Variants in CAMKK2 observed in about 807,000 individuals in gnomAD.
CAMKK2 encodes the protein calcium/calmodulin-dependent protein kinase kinase 2.
CAMKK2 carries 30 observed loss-of-function variants against 67.2 expected under a neutral mutation model. The ratio of observed to expected loss-of-function variants is 0.45; its 90% CI spans 0.33 to 0.61. CAMKK2 has a LOEUF of 0.61. Among genes scored for constraint, CAMKK2 ranks in the 20% least tolerant of loss-of-function variants. The pLI is 0.02. For synonymous variants in CAMKK2, 322 were observed against 326.2 expected (o/e 0.99, Z 0.14); for missense variants, 643 against 802.0 (o/e 0.80, Z 2.39).
intron 7 of CAMKK2, among the ~76,000 whole-genome samples, chr12:121,256,798 ATTCATC>A (rs200740722): frequency 1.3e-5 from 2 of 152,216 alleles, no homozygotes; most frequent in East Asian, 3.9e-4. Context: ...TTCTTTGTCC[ATTCATC>A]TGTTGAGGGG....
chr12:121,277,690 G>T (rs1897065163), intron 1 of CAMKK2, among the ~76,000 whole-genome samples: 1 of 152,228 alleles, frequency 6.6e-6, no homozygotes, highest in Non-Finnish European at 1.5e-5. Context: ...ATTCAGGCCA[G>T]ATGCAGTGGT....
intron 1 of CAMKK2, among the ~76,000 whole-genome samples, chr12:121,283,905 G>A (rs899384820): frequency 1.3e-5 from 2 of 152,202 alleles, no homozygotes. Context: ...CAAATTTACA[G>A]ATTTTCTTGA....
chr12:121,255,851 C>G, intron 7 of CAMKK2, 47 bp from the exon 8 acceptor site: 1 of 1,589,246 alleles, frequency 6.3e-7, no homozygotes. Flanking sequence ...AACTGAACAT[C>G]CATCTCTCTC....
intron 1 of CAMKK2, among the ~76,000 whole-genome samples, chr12:121,279,252 C>T (rs920445071): frequency 1.3e-5 from 2 of 152,140 alleles, no homozygotes; most frequent in Non-Finnish European, 1.5e-5. Flanking sequence ...GCTCAGACCC[C>T]GGGCAGGGAC....
chr12:121,272,440 G>A (rs531243779), intron 2 of CAMKK2, among the ~76,000 whole-genome samples: 1 of 152,240 alleles, frequency 6.6e-6, no homozygotes, highest in East Asian at 1.9e-4. Context: ...ATTGCTCATA[G>A]GTCCTAGCTC....
chr12:121,266,121 AG>A (rs1469392653), intron 5 of CAMKK2, among the ~76,000 whole-genome samples: 5 of 152,082 alleles, frequency 3.3e-5, no homozygotes. Flanking sequence ...TGGTAGAGAC[AG>A]GGGTCTCACT....
chr12:121,286,371 G>A (rs769356266), intron 1 of CAMKK2, among the ~76,000 whole-genome samples: 21 of 152,248 alleles, frequency 1.4e-4, no homozygotes, highest in Non-Finnish European at 2.9e-4. Flanking sequence ...CTGATGAACA[G>A]GGAGAGGAGA....
intron 1 of CAMKK2, among the ~76,000 whole-genome samples, 200 bp from the exon 2 acceptor site, chr12:121,274,785 ATTATTTT>A (rs1896491640): frequency 6.9e-6 from 1 of 145,856 alleles, no homozygotes; most frequent in African/African-American, 2.5e-5. Flanking sequence ...TTTTTCTTTT[ATTATTTT>A]TTCTTTTTTT....
At chr12:121,279,809 C>T (rs924263996) in intron 1 of CAMKK2, among the ~76,000 whole-genome samples, 2 of 152,200 alleles carry the variant, frequency 1.3e-5, no homozygotes, top group South Asian at 4.1e-4. Flanking sequence ...GCAGATGGAC[C>T]CGGGACCCGG....
intron 6 of CAMKK2, 84 bp from the exon 7 acceptor site, chr12:121,260,439 A>T: frequency 7.7e-7 from 1 of 1,303,678 alleles, no homozygotes; most frequent in South Asian, 1.2e-5. Context: ...AGGAGGCAGC[A>T]TCCACGTGGC....
intron 14 of CAMKK2, among the ~76,000 whole-genome samples, chr12:121,247,390 T>A (rs1889706592): frequency 6.6e-6 from 1 of 152,162 alleles, no homozygotes; most frequent in Non-Finnish European, 1.5e-5. Context: ...TCCCGTATAA[T>A]GAATGCCTAC....
intron 1 of CAMKK2, among the ~76,000 whole-genome samples, chr12:121,278,081 G>A (rs1267419492): frequency 6.6e-6 from 1 of 152,198 alleles, no homozygotes; most frequent in Non-Finnish European, 1.5e-5. Context: ...AGGAGGTCAG[G>A]AGAGGGGAGC....
At chr12:121,297,083 C>T (rs913077822), upstream of CAMKK2, 14 of 152,954 alleles carry the variant, frequency 9.2e-5, no homozygotes, top group African/African-American at 3.4e-4. Context: ...GGTGGCGCCG[C>T]AACTTTGTAC....
chr12:121,293,779 T>C (rs1159260620), intron 1 of CAMKK2, among the ~76,000 whole-genome samples: 1 of 151,854 alleles, frequency 6.6e-6, no homozygotes, highest in African/African-American at 2.4e-5. Context: ...AAATGACACC[T>C]CCTTCAGGGA....
chr12:121,258,072 T>G (rs1479274934), intron 7 of CAMKK2, among the ~76,000 whole-genome samples: 1 of 150,196 alleles, frequency 6.7e-6, no homozygotes, highest in Non-Finnish European at 1.5e-5. Context: ...TCACCCAGAC[T>G]GGAGTGCAAT....
At chr12:121,280,863 C>A (rs976838674) in intron 1 of CAMKK2, among the ~76,000 whole-genome samples, 2 of 151,918 alleles carry the variant, frequency 1.3e-5, no homozygotes, top group Non-Finnish European at 2.9e-5. Flanking sequence ...CAATGTTGCC[C>A]GAAACTTCAT....
Position 121,240,932 on chromosome 12 carries a change from G to A in CAMKK2, c.1597-63C>T, listed in dbSNP as rs537687438. The A allele has an allele frequency of 1.3e-6, 2 of 1,567,712 alleles. No individual in the cohort carries two copies. Among genetic ancestry groups the A allele is most frequent in the African/African-American group, 1.3e-5 (1 of 74,094 alleles). Reference sequence around the variant, plus strand: ...GAAATGCCAGCGAGGCCCTGAGCCAGCTGCTCCCACATCTGGGCCCCCTGC... The same window carrying A: ...GAAATGCCAGCGAGGCCCTGAGCCAACTGCTCCCACATCTGGGCCCCCTGC... On this transcript the variant is annotated intron_variant, in intron 16 of 16. Coordinates refer to ENST00000404169, the MANE Select transcript of CAMKK2 (RefSeq NM_001270485.2). The surrounding 1 kb of genome is among the most constrained non-coding windows in gnomAD (Gnocchi z 4.4).
chr12:121,268,640 G>A lies in CAMKK2; in HGVS notation c.623C>T (p.Pro208Leu), dbSNP rs1895121430. The A allele has an allele frequency of 2.5e-6, 4 of 1,613,932 alleles. No homozygotes were observed. Among genetic ancestry groups the A allele is most frequent in the South Asian group, 2.2e-5 (2 of 91,090 alleles). The change falls in exon 5 of 17, where the codon CCA (proline) becomes CTA (leucine). Residue 208 changes from proline to leucine, a missense_variant and splice_region_variant. Transcript: ENST00000404169. ...KKKLIRQAGF[P>L]RRPPPRGTRP... ...CAACAAAGGCCCGCCAAACTCACGTGGAAAGCCGGCCTGCCGGATCAGCTT... is the reference window on the plus strand; with the variant it reads ...CAACAAAGGCCCGCCAAACTCACGTAGAAAGCCGGCCTGCCGGATCAGCTT...
intron 13 of CAMKK2, 93 bp from the exon 14 acceptor site, chr12:121,248,827 A>T: frequency 1.4e-6 from 2 of 1,472,784 alleles, no homozygotes; most frequent in Non-Finnish European, 1.9e-6. Context: ...TGCAGGACGG[A>T]GAGGCAAGGG....
Sources: gnomAD v4.1 joint callset for allele counts (sites outside exome capture counted in the v4.1 genomes callset) on GRCh38, gnomAD v4.1.1 for gene constraint, Gnocchi (gnomAD v3.1) non-coding constraint, MANE v1.5 for transcripts, NCBI Gene and HGNC (gene_info 2026-07-23, HGNC 2026-07-21) for gene names.